ZFPM2: variants seen among roughly 807,000 people sequenced by gnomAD.
ZFPM2 encodes zinc finger protein ZFPM2.
ZFPM2 carries 20 observed loss-of-function variants against 98.6 expected under a neutral mutation model. The ratio of observed to expected loss-of-function variants is 0.20; its 90% CI spans 0.14 to 0.29. The LOEUF (loss-of-function observed/expected upper bound fraction) is 0.29. Among genes scored for constraint, ZFPM2 ranks in the 10% least tolerant of loss-of-function variants. The pLI is 1.00. For missense variants in ZFPM2, 1,310 were observed against 1,388.6 expected, an observed-to-expected ratio of 0.94 and a Z score of 0.90; for synonymous variants, 518 against 502.7, an observed-to-expected ratio of 1.03 and a Z score of -0.41.
intron 5 of ZFPM2, among the ~76,000 whole-genome samples, chr8:105,640,265 G>A (rs1816925820): frequency 6.6e-6 from 1 of 151,904 alleles, no homozygotes; most frequent in African/African-American, 2.4e-5. Context: ...ACAGGTTATT[G>A]CCTTTCTTTG....
chr8:105,424,184 T>C (rs1811860250), intron 2 of ZFPM2, among the ~76,000 whole-genome samples: 1 of 152,178 alleles, frequency 6.6e-6, no homozygotes, highest in African/African-American at 2.4e-5. Flanking sequence ...AGAAACTACA[T>C]GTAAGTCAAC....
intron 1 of ZFPM2, among the ~76,000 whole-genome samples, chr8:105,348,708 C>A (rs1005473330): frequency 1.3e-5 from 2 of 151,978 alleles, no homozygotes; most frequent in African/African-American, 2.4e-5. Flanking sequence ...TAGCAGTAAA[C>A]CAATAAAAGT....
intron 3 of ZFPM2, among the ~76,000 whole-genome samples, chr8:105,501,050 A>G (rs1322928024): frequency 6.6e-6 from 1 of 152,206 alleles, no homozygotes; most frequent in Non-Finnish European, 1.5e-5. Context: ...TGTAAAGACA[A>G]TTGTACTTAT....
At chr8:105,790,125 A>G (rs1272136618) in intron 6 of ZFPM2, among the ~76,000 whole-genome samples, 2 of 151,524 alleles carry the variant, frequency 1.3e-5, no homozygotes, top group Non-Finnish European at 2.9e-5. Context: ...TTTTGTAGCC[A>G]TTGCTTTTGG....
chr8:105,674,309 G>A (rs1249251886), intron 5 of ZFPM2, among the ~76,000 whole-genome samples: 1 of 152,206 alleles, frequency 6.6e-6, no homozygotes, highest in Non-Finnish European at 1.5e-5. Flanking sequence ...GCCTGTGAGA[G>A]AGAGGGTTTG....
Position 105,725,267 on chromosome 8 carries a change from A to G in ZFPM2, c.533-63451A>G, listed in dbSNP as rs564372433. On this transcript the variant is annotated intron_variant, in intron 5 of 7. Coordinates refer to ENST00000407775, the MANE Select transcript of ZFPM2 (RefSeq NM_012082.4). ...GCATTTCCTTATGGCTTTTACCCACAGTCTGACACTTCCATGTCATCTTAT... is the reference window on the plus strand; with the variant it reads ...GCATTTCCTTATGGCTTTTACCCACGGTCTGACACTTCCATGTCATCTTAT... Among the ~76,000 whole-genome samples the G allele has an allele frequency of 2.7e-4, 41 of 151,948 alleles. No individual in the cohort carries two copies. In the South Asian group the frequency reaches 6.0e-3, roughly 22 times the overall value.
intron 1 of ZFPM2, among the ~76,000 whole-genome samples, chr8:105,370,001 A>T (rs968001109): frequency 4.6e-5 from 7 of 152,150 alleles, no homozygotes; most frequent in African/African-American, 1.7e-4. Context: ...AATTATGTTT[A>T]AGACTTTGGA....
intron 1 of ZFPM2, among the ~76,000 whole-genome samples, chr8:105,404,030 ACAACAACAACAACAG>A (rs1398846574): frequency 6.6e-6 from 1 of 151,592 alleles, no homozygotes; most frequent in African/African-American, 2.4e-5. Context: ...AACAACAACA[ACAACAACAACAACAG>A]CAGCATAGAT....
intron 1 of ZFPM2, among the ~76,000 whole-genome samples, chr8:105,320,111 C>G (rs1811994103): frequency 6.6e-6 from 1 of 152,018 alleles, no homozygotes; most frequent in Non-Finnish European, 1.5e-5. Flanking sequence ...ATCCCTTTCC[C>G]CCCTGATTAT....
At chr8:105,755,447 T>C (rs1812575866) in intron 5 of ZFPM2, among the ~76,000 whole-genome samples, 1 of 152,146 alleles carries the variant, frequency 6.6e-6, no homozygotes, top group African/African-American at 2.4e-5. Context: ...TGTGATCATA[T>C]AGAATGCATT....
At position 105,352,423 on chromosome 8, in the gene ZFPM2, T is replaced by A. The variant is rs1563616929; in HGVS notation, c.40+33442T>A. Among the ~76,000 whole-genome samples, 3 of 152,326 alleles carry A rather than the reference T, an allele frequency of 2.0e-5. No homozygotes were observed. The South Asian group carries it at 6.2e-4, about 32-fold the overall frequency. On this transcript the variant is annotated intron_variant, in intron 1 of 7. Transcript: ENST00000407775. ...TCTTAACATTCTTCAGTGAATTTTG[T>A]TAAAAGTAATAGCATTTATATTAAC...
At chr8:105,705,216 T>TGTA (rs1182416273) in intron 5 of ZFPM2, among the ~76,000 whole-genome samples, 2 of 152,098 alleles carry the variant, frequency 1.3e-5, no homozygotes, top group Non-Finnish European at 2.9e-5. Flanking sequence ...TTTAATTTAA[T>TGTA]GTAGTGTATA....
chr8:105,460,402 A>T (rs947455021), intron 3 of ZFPM2, among the ~76,000 whole-genome samples: 12 of 152,198 alleles, frequency 7.9e-5, no homozygotes, highest in African/African-American at 2.2e-4. Context: ...AGAAGGAGGC[A>T]TCTCTTTTGC....
chr8:105,450,205 A>G (rs1183922090), intron 3 of ZFPM2, among the ~76,000 whole-genome samples: 2 of 152,102 alleles, frequency 1.3e-5, no homozygotes, highest in African/African-American at 4.8e-5. Context: ...TTTGTACTTT[A>G]AACTAGTAAG....
At chr8:105,780,094 T>C (rs564623480) in intron 5 of ZFPM2, among the ~76,000 whole-genome samples, 28 of 152,324 alleles carry the variant, frequency 1.8e-4, no homozygotes, top group African/African-American at 6.3e-4. Flanking sequence ...AGTTATTCCT[T>C]TTCACAGAAC....
At chr8:105,672,949 G>T (rs535200432) in intron 5 of ZFPM2, among the ~76,000 whole-genome samples, 1 of 152,030 alleles carries the variant, frequency 6.6e-6, no homozygotes, top group East Asian at 1.9e-4. Flanking sequence ...ATTCTAATTC[G>T]GATTGCTGTC....
At chr8:105,405,855 A>G (rs1487923471) in intron 1 of ZFPM2, among the ~76,000 whole-genome samples, 1 of 152,162 alleles carries the variant, frequency 6.6e-6, no homozygotes. Context: ...GAATTGCCAC[A>G]CTGACTTCCA....
At chr8:105,792,131 GT>G (rs1271260035) in intron 6 of ZFPM2, among the ~76,000 whole-genome samples, 4 of 152,128 alleles carry the variant, frequency 2.6e-5, no homozygotes, top group African/African-American at 9.7e-5. Flanking sequence ...CCTTCTGCTA[GT>G]TTTTGAGTGT....
intron 5 of ZFPM2, among the ~76,000 whole-genome samples, chr8:105,737,123 G>A (rs1413315003): frequency 6.6e-6 from 1 of 151,984 alleles, no homozygotes; most frequent in African/African-American, 2.4e-5. Flanking sequence ...GTCAGACTTG[G>A]AGAACAAGGG....
Sources: allele counts gnomAD v4.1 joint callset (sites outside exome capture counted in the v4.1 genomes callset), GRCh38; gene constraint gnomAD v4.1.1; transcripts MANE v1.5; gene names NCBI Gene and HGNC (gene_info 2026-07-23, HGNC 2026-07-21).